Variants in PCDH7 observed in about 807,000 individuals in gnomAD.
The protein encoded by PCDH7 is protocadherin 7, also known as protocadherin-7.
Under a neutral mutation model 58.9 loss-of-function variants are expected in PCDH7, and 17 were observed. The ratio of observed to expected loss-of-function variants is 0.29; its 90% CI spans 0.20 to 0.43. The LOEUF is 0.43. Among genes scored for constraint, PCDH7 ranks in the 20% least tolerant of loss-of-function variants. The pLI, the probability that PCDH7 is intolerant of heterozygous loss-of-function variation, is 1.00. For missense variants in PCDH7, 1,274 were observed against 1,441.0 expected, an observed-to-expected ratio of 0.88 and a Z score of 1.88; for synonymous variants, 664 against 616.4, an observed-to-expected ratio of 1.08 and a Z score of -1.14.
intron 2 of PCDH7, among the ~76,000 whole-genome samples, chr4:30,949,303 A>G (rs1560527162): frequency 2.6e-5 from 4 of 152,188 alleles, no homozygotes; most frequent in Admixed American, 2.6e-4. Flanking sequence ...ATACAAAGTT[A>G]AATATTTCTT....
At chr4:30,909,499 A>G (rs543068937) in intron 1 of PCDH7, among the ~76,000 whole-genome samples, 1 of 152,232 alleles carries the variant, frequency 6.6e-6, no homozygotes, top group Non-Finnish European at 1.5e-5. Context: ...ATACAAAATC[A>G]ATGTGCAAAA....
chr4:30,736,430 TGTG>T (rs1370115087), downstream of PCDH7, among the ~76,000 whole-genome samples: 1 of 152,126 alleles, frequency 6.6e-6, no homozygotes, highest in Non-Finnish European at 1.5e-5. Flanking sequence ...GATCTCATAA[TGTG>T]GTGTGCGACT....
chr4:30,920,595 A>T (rs571652204), intron 2 of PCDH7, among the ~76,000 whole-genome samples: 1 of 152,336 alleles, frequency 6.6e-6, no homozygotes, highest in African/African-American at 2.4e-5. Flanking sequence ...TGTCAGAAAT[A>T]AACGCACTTA....
intron 3 of PCDH7, among the ~76,000 whole-genome samples, chr4:31,079,789 A>G (rs996820091): frequency 2.0e-5 from 3 of 152,112 alleles, no homozygotes; most frequent in Non-Finnish European, 4.4e-5. Context: ...GTCCATTACC[A>G]GAAGTCTAGA....
chr4:31,039,127 A>G (rs1445468452), intron 3 of PCDH7, among the ~76,000 whole-genome samples: 1 of 152,204 alleles, frequency 6.6e-6, no homozygotes, highest in Non-Finnish European at 1.5e-5. Context: ...AAAAAAGCTC[A>G]CATTTCTGCT....
chr4:30,978,798 GTGAC>G (rs1416864906), intron 3 of PCDH7, among the ~76,000 whole-genome samples: 6 of 152,072 alleles, frequency 3.9e-5, no homozygotes, highest in African/African-American at 1.4e-4. Flanking sequence ...CTACATGTAA[GTGAC>G]TGTTGAAAAT....
At chr4:30,783,075 G>A (rs1485669874) in intron 1 of PCDH7, 2 of 152,028 alleles carry the variant, frequency 1.3e-5, no homozygotes, top group Non-Finnish European at 2.9e-5. Context: ...TAAATGAGAA[G>A]AAAGTGAAAT....
At chr4:30,837,562 A>T (rs1032819973) in intron 1 of PCDH7, among the ~76,000 whole-genome samples, 2 of 152,066 alleles carry the variant, frequency 1.3e-5, no homozygotes, top group Non-Finnish European at 2.9e-5. Context: ...AGAGAAAAAA[A>T]AACGAGAATA....
chr4:31,055,855 G>T (rs1757124704), intron 3 of PCDH7, among the ~76,000 whole-genome samples: 1 of 152,026 alleles, frequency 6.6e-6, no homozygotes, highest in African/African-American at 2.4e-5. Flanking sequence ...AGGATTACAG[G>T]CCATATAAAG....
rs776157803 is a variant in PCDH7, at chr4:30,721,978, C to T, written c.556C>T (p.Pro186Ser). 9 of 1,347,094 alleles carry T rather than the reference C, an allele frequency of 6.7e-6. No homozygotes were observed. In the South Asian group the frequency reaches 1.5e-4, roughly 23 times the overall value. 83.4% of individuals were successfully genotyped at this position (1,347,094 alleles called of 1,614,324 possible). Residue 186 changes from proline to serine, a missense_variant, in exon 1 of 2, where the codon CCC becomes TCC. By Grantham distance (74) the Pro-to-Ser change is moderately conservative. Around this residue, in one of 3 missense-constraint regions of PCDH7, gnomAD observed 331 missense variants for 303.2 expected, o/e 1.09. Transcript: ENST00000361762. This position sits in a 1 kb window ranked among gnomAD's most constrained non-coding sequence, Gnocchi z 6.7. ...CGAGCGCTACGAGCTGCTCCAGGAG[C>T]CCGGAGGCGGCGGCAGCGGCGGCGA...
intron 1 of PCDH7, among the ~76,000 whole-genome samples, chr4:30,823,530 A>C (rs2109323360): frequency 6.6e-6 from 1 of 152,268 alleles, no homozygotes; most frequent in Non-Finnish European, 1.5e-5. Context: ...GCTGACAGCC[A>C]GATACTGCTG....
intron 3 of PCDH7, among the ~76,000 whole-genome samples, chr4:30,962,594 C>T (rs541095526): frequency 7.9e-5 from 12 of 151,742 alleles, no homozygotes; most frequent in African/African-American, 2.9e-4. Context: ...TGAGACCATC[C>T]TGGGCAGCAT....
chr4:30,941,716 C>T lies in PCDH7; in HGVS notation c.288-8404C>T, dbSNP rs369273969. Among the ~76,000 whole-genome samples, 4 of 151,876 alleles carry T rather than the reference C, an allele frequency of 2.6e-5. No homozygotes were observed. In the South Asian group the frequency reaches 8.3e-4, roughly 31 times the overall value. ...TGTTGATTACTCCACAACCTGCCCT[C>T]CCATACCTGGACATATACATGAGAC... On this transcript the variant is annotated intron_variant, in intron 2 of 3. Transcript: ENST00000509759.
At chr4:31,089,241 A>T (rs993808555) in intron 3 of PCDH7, among the ~76,000 whole-genome samples, 3 of 152,120 alleles carry the variant, frequency 2.0e-5, no homozygotes, top group African/African-American at 7.2e-5. Flanking sequence ...TGTTTATATT[A>T]TAAACCATAA....
chr4:30,781,069 T>G (rs1053162812), intron 1 of PCDH7, among the ~76,000 whole-genome samples: 4 of 152,166 alleles, frequency 2.6e-5, no homozygotes, highest in African/African-American at 9.7e-5. Context: ...GACTGTGTTT[T>G]ATGGTGCTTT....
chr4:30,967,331 T>C (rs1023878060), intron 3 of PCDH7, among the ~76,000 whole-genome samples: 3 of 152,180 alleles, frequency 2.0e-5, no homozygotes, highest in African/African-American at 7.2e-5. Flanking sequence ...TAGCTAGCAA[T>C]AGATAGCTTC....
At chr4:30,773,292 T>C (rs1300477342) in intron 1 of PCDH7, among the ~76,000 whole-genome samples, 1 of 152,214 alleles carries the variant, frequency 6.6e-6, no homozygotes, top group Non-Finnish European at 1.5e-5. Flanking sequence ...TGATTTCTGA[T>C]TCCTGGTTCA....
At chr4:30,896,991 G>A (rs1361077031) in intron 1 of PCDH7, among the ~76,000 whole-genome samples, 2 of 134,224 alleles carry the variant, frequency 1.5e-5, no homozygotes, top group Admixed American at 8.6e-5. Context: ...TGCAAGCTCT[G>A]CCTCCCGAGT....
intron 1 of PCDH7, among the ~76,000 whole-genome samples, chr4:30,890,747 C>T (rs935278673): frequency 6.6e-6 from 1 of 152,046 alleles, no homozygotes; most frequent in Non-Finnish European, 1.5e-5. Context: ...TTCATATCAG[C>T]ATTCTTTTGA....
Sources: gnomAD v4.1 joint callset for allele counts (sites outside exome capture counted in the v4.1 genomes callset) on GRCh38, gnomAD v4.1.1 for gene constraint, gnomAD v4.1.1 regional missense constraint, Gnocchi (gnomAD v3.1) non-coding constraint, MANE v1.5 for transcripts, NCBI Gene and HGNC (gene_info 2026-07-23, HGNC 2026-07-21) for gene names.